The following MACROD2 variants were observed in gnomAD, a reference collection of about 807,000 sequenced individuals.
The protein encoded by MACROD2 is ADP-ribose glycohydrolase MACROD2.
In MACROD2, 36 loss-of-function variants were observed where a neutral mutation model predicts 70.4. The observed-to-expected ratio is 0.51, with a 90% CI of 0.39 to 0.68. The LOEUF is 0.68. Ranked by LOEUF, MACROD2 falls within the 30% of genes least tolerant of loss-of-function variation. MACROD2 has a pLI of 0.00. For missense variants in MACROD2, 496 were observed against 538.4 expected, an observed-to-expected ratio of 0.92 and a Z score of 0.78; for synonymous variants, 172 against 178.8, an observed-to-expected ratio of 0.96 and a Z score of 0.30.
At chr20:14,254,292 A>G (rs2082035899) in intron 3 of MACROD2, among the ~76,000 whole-genome samples, 1 of 152,032 alleles carries the variant, frequency 6.6e-6, no homozygotes, top group South Asian at 2.1e-4. Context: ...CAAATTTTCA[A>G]TATTCAAAAA....
In MACROD2 at chr20:14,522,452, C is replaced by T. The variant is rs185141806; in HGVS notation, c.301+28944C>T. Among the ~76,000 whole-genome samples the T allele has an allele frequency of 4.8e-3, 736 of 152,274 alleles. 7 individuals carry two copies. Among genetic ancestry groups the T allele is most frequent in the African/African-American group, 0.017 (698 of 41,550 alleles). ...TGTATTCAGAAGGCAGTTCTTCCTC[C>T]GGGTTTGAGAGGCCTGTAGCCATGT... On this transcript the variant is annotated intron_variant, in intron 4 of 17. Transcript: ENST00000684519.
At chr20:14,008,184 T>G (rs886809318) in intron 2 of MACROD2, among the ~76,000 whole-genome samples, 1 of 152,110 alleles carries the variant, frequency 6.6e-6, no homozygotes, top group African/African-American at 2.4e-5. Flanking sequence ...GTCAAACTAT[T>G]TTTGTTTGTA....
chr20:14,296,059 G>A (rs1412133859), intron 3 of MACROD2, among the ~76,000 whole-genome samples: 1 of 151,810 alleles, frequency 6.6e-6, no homozygotes, highest in Non-Finnish European at 1.5e-5. Flanking sequence ...TAGCTAGAAG[G>A]ACATGTAAAT....
chr20:15,113,763 A>AGTGTGTGTGTGTGTGTGTGTGTGTGT (rs71340210), intron 5 of MACROD2, among the ~76,000 whole-genome samples: 2 of 144,160 alleles, frequency 1.4e-5, no homozygotes, highest in South Asian at 2.4e-4. Context: ...GTAGTCTTGA[A>AGTGTGTGTGTGTGTGTGTGTGTGTGT]GTGTGTGTGT....
intron 3 of MACROD2, among the ~76,000 whole-genome samples, chr20:14,249,903 G>A (rs2081996879): frequency 6.6e-6 from 1 of 152,080 alleles, no homozygotes; most frequent in South Asian, 2.1e-4. Context: ...CCAGACACGG[G>A]GGTGGGGGAT....
intron 5 of MACROD2, among the ~76,000 whole-genome samples, chr20:14,802,777 T>C (rs74326784): frequency 3.8e-4 from 56 of 148,420 alleles, no homozygotes; most frequent in African/African-American, 1.3e-3. Context: ...CATACACACA[T>C]ACACACACAC....
chr20:16,033,862 T>TGGGGGGGG (rs1196010191), intron 15 of MACROD2, among the ~76,000 whole-genome samples: 2 of 145,260 alleles, frequency 1.4e-5, no homozygotes, highest in Non-Finnish European at 3.0e-5. Flanking sequence ...GGGGGTGGGG[T>TGGGGGGGG]GGGGGAGAAA....
intron 5 of MACROD2, among the ~76,000 whole-genome samples, chr20:15,156,212 G>A (rs901907924): frequency 2.6e-5 from 4 of 152,244 alleles, no homozygotes; most frequent in South Asian, 2.1e-4. Context: ...TCCTGGGTTG[G>A]GAGACTGCAT....
At chr20:15,661,370 T>A (rs2049819504) in intron 8 of MACROD2, among the ~76,000 whole-genome samples, 1 of 152,012 alleles carries the variant, frequency 6.6e-6, no homozygotes, top group Non-Finnish European at 1.5e-5. Context: ...AATCAAAACA[T>A]GATGGAGAAG....
chr20:14,142,464 T>C (rs1246550175), intron 3 of MACROD2, among the ~76,000 whole-genome samples: 2 of 152,212 alleles, frequency 1.3e-5, no homozygotes, highest in Non-Finnish European at 2.9e-5. Context: ...TGTACCATCC[T>C]TTCCTGCTCA....
At chr20:14,692,189 C>T (rs1949125136) in intron 5 of MACROD2, among the ~76,000 whole-genome samples, 1 of 152,110 alleles carries the variant, frequency 6.6e-6, no homozygotes, top group Non-Finnish European at 1.5e-5. Context: ...GATTCAGAAA[C>T]CCTGTGGTTT....
At chr20:15,532,348 G>T (rs1409026656) in intron 8 of MACROD2, among the ~76,000 whole-genome samples, 1 of 152,076 alleles carries the variant, frequency 6.6e-6, no homozygotes, top group Non-Finnish European at 1.5e-5. Context: ...AGCAGAATGT[G>T]ATATGTTAGA....
At chr20:15,317,519 A>ATCTATCTG (rs796629084) in intron 6 of MACROD2, among the ~76,000 whole-genome samples, 1 of 134,620 alleles carries the variant, frequency 7.4e-6, no homozygotes, top group Non-Finnish European at 1.5e-5. Flanking sequence ...CTATCTATCT[A>ATCTATCTG]TCTATCTGTC....
At chr20:15,023,984 T>C (rs1288680204) in intron 5 of MACROD2, among the ~76,000 whole-genome samples, 1 of 152,132 alleles carries the variant, frequency 6.6e-6, no homozygotes, top group Non-Finnish European at 1.5e-5. Flanking sequence ...TGATTTAACA[T>C]GTGAGTGTTC....
intron 5 of MACROD2, among the ~76,000 whole-genome samples, chr20:15,185,596 C>T (rs1418791783): frequency 1.3e-5 from 2 of 152,090 alleles, no homozygotes; most frequent in Non-Finnish European, 2.9e-5. Flanking sequence ...TGTCTTCTGC[C>T]TATTATTAAA....
At chr20:14,001,795 G>A (rs958175225) in intron 1 of MACROD2, among the ~76,000 whole-genome samples, 5 of 152,114 alleles carry the variant, frequency 3.3e-5, no homozygotes, top group Non-Finnish European at 5.9e-5. Flanking sequence ...AGTAGCACGA[G>A]AGGGTTGGGG....
At chr20:15,911,717 C>T (rs2147268349) in intron 10 of MACROD2, among the ~76,000 whole-genome samples, 1 of 152,288 alleles carries the variant, frequency 6.6e-6, no homozygotes, top group African/African-American at 2.4e-5. Context: ...GAGAGTGCCA[C>T]CTCTGTATGT....
chr20:15,673,472 C>A (rs2050010509), intron 8 of MACROD2, among the ~76,000 whole-genome samples: 2 of 152,124 alleles, frequency 1.3e-5, no homozygotes, highest in Non-Finnish European at 2.9e-5. Flanking sequence ...GAAGTATGAA[C>A]CCTCAGTTCC....
intron 8 of MACROD2, among the ~76,000 whole-genome samples, chr20:15,718,296 G>A (rs1287331387): frequency 6.6e-6 from 1 of 151,964 alleles, no homozygotes; most frequent in African/African-American, 2.4e-5. Flanking sequence ...GCCTTTTATT[G>A]TGTTTTCTAA....
Sources: allele counts gnomAD v4.1 joint callset (sites outside exome capture counted in the v4.1 genomes callset), GRCh38; gene constraint gnomAD v4.1.1; transcripts MANE v1.5; gene names NCBI Gene and HGNC (gene_info 2026-07-23, HGNC 2026-07-21).